CASP8: variants seen among roughly 807,000 people sequenced by gnomAD.
CASP8 encodes caspase-8.
Under a neutral mutation model 46.3 loss-of-function variants are expected in CASP8, and 24 were observed. The observed-to-expected ratio is 0.52, with a 90% confidence interval of 0.38 to 0.73. The LOEUF (loss-of-function observed/expected upper bound fraction) is 0.73. Among genes scored for constraint, CASP8 ranks in the 30% least tolerant of loss-of-function variants. CASP8 has a pLI of 0.00. For missense variants in CASP8, 460 were observed against 559.0 expected (o/e 0.82, Z 1.79); for synonymous variants, 188 against 200.4 (o/e 0.94, Z 0.52).
At position 201,265,662 on chromosome 2, in the gene CASP8, C is replaced by T. The variant is rs558354687; in HGVS notation, c.-26-799C>T. Among the ~76,000 whole-genome samples the T allele has an allele frequency of 4.6e-5, 7 of 152,264 alleles. No individual in the cohort carries two copies. The East Asian group carries it at 5.8e-4, about 13-fold the overall frequency. Reference sequence around the variant, plus strand: ...CCTCCAGGACAAAGCCTAAACCCCTCGCCCCATGGTAATGCGGCCCCTTTG... The same window carrying T: ...CCTCCAGGACAAAGCCTAAACCCCTTGCCCCATGGTAATGCGGCCCCTTTG... On this transcript the variant is annotated intron_variant, in intron 1 of 8. Transcript: ENST00000673742.
intron 2 of CASP8, among the ~76,000 whole-genome samples, chr2:201,247,526 C>A (rs1946584571): frequency 6.6e-6 from 1 of 151,696 alleles, no homozygotes; most frequent in Non-Finnish European, 1.5e-5. Context: ...CACTCTGTTG[C>A]CCAATGCAGT....
intron 2 of CASP8, among the ~76,000 whole-genome samples, chr2:201,254,564 CAACA>C (rs1391619401): frequency 6.6e-6 from 1 of 152,222 alleles, no homozygotes; most frequent in Non-Finnish European, 1.5e-5. Context: ...CCCACATTGG[CAACA>C]AACAAAGGGC....
At chr2:201,234,588 T>C (rs577928317) in intron 2 of CASP8, among the ~76,000 whole-genome samples, 258 of 152,052 alleles carry the variant, frequency 1.7e-3, no homozygotes, top group African/African-American at 6.0e-3. Flanking sequence ...TAGCTGGGAT[T>C]ACAGGCACCT....
upstream of CASP8, among the ~76,000 whole-genome samples, chr2:201,256,324 C>A (rs1947015982): frequency 6.6e-6 from 1 of 152,210 alleles, no homozygotes; most frequent in Non-Finnish European, 1.5e-5. Context: ...AGTCTTTCAG[C>A]CTCTCTAAGC....
chr2:201,251,899 C>T (rs980641760), intron 2 of CASP8, among the ~76,000 whole-genome samples: 3 of 150,886 alleles, frequency 2.0e-5, no homozygotes, highest in Admixed American at 1.3e-4. Flanking sequence ...AGTGAGACTC[C>T]GTCTAAAAAA....
upstream of CASP8, among the ~76,000 whole-genome samples, chr2:201,255,561 A>G (rs1218575226): frequency 1.3e-5 from 2 of 152,178 alleles, no homozygotes; most frequent in African/African-American, 4.8e-5. Context: ...GCCTGGGTAC[A>G]TGCAGGGAGA....
chr2:201,259,196 A>G (rs560008302), upstream of CASP8, among the ~76,000 whole-genome samples: 137 of 152,218 alleles, frequency 9.0e-4, 1 homozygote, highest in Non-Finnish European at 1.5e-3. Flanking sequence ...TTTTTGAGAC[A>G]AAGTCTTGCT....
At chr2:201,236,677 C>T (rs1046510256) in intron 2 of CASP8, among the ~76,000 whole-genome samples, 1 of 152,130 alleles carries the variant, frequency 6.6e-6, no homozygotes, top group Admixed American at 6.5e-5. Flanking sequence ...CTGGCCCCAC[C>T]GCAGACTCAA....
intron 1 of CASP8, among the ~76,000 whole-genome samples, chr2:201,261,179 G>A (rs906904851): frequency 9.2e-5 from 14 of 152,148 alleles, no homozygotes; most frequent in Admixed American, 6.5e-5. Flanking sequence ...TTCACCTGAG[G>A]TCGGGAGTTT....
At chr2:201,239,819 C>T (rs1256368358) in intron 2 of CASP8, among the ~76,000 whole-genome samples, 1 of 152,198 alleles carries the variant, frequency 6.6e-6, no homozygotes, top group Non-Finnish European at 1.5e-5. Context: ...AATTATGAAA[C>T]TTTTGATATT....
intron 1 of CASP8, among the ~76,000 whole-genome samples, chr2:201,260,909 A>G (rs1031839064): frequency 7.9e-5 from 12 of 152,228 alleles, no homozygotes; most frequent in African/African-American, 2.4e-5. Context: ...TAAAGGCCTC[A>G]TCCTGATCCC....
intron 2 of CASP8, among the ~76,000 whole-genome samples, chr2:201,237,702 A>T (rs766363412): frequency 5.3e-5 from 8 of 152,214 alleles, no homozygotes; most frequent in Non-Finnish European, 1.0e-4. Flanking sequence ...GCTGGTTTGT[A>T]AAGTCATTAA....
chr2:201,270,688 C>G (rs1003121382), intron 2 of CASP8, among the ~76,000 whole-genome samples: 1 of 152,018 alleles, frequency 6.6e-6, no homozygotes, highest in African/African-American at 2.4e-5. Flanking sequence ...TGCCACCACA[C>G]CCGGCTAATT....
At chr2:201,252,864 C>T (rs1033138504) in intron 2 of CASP8, among the ~76,000 whole-genome samples, 1 of 152,038 alleles carries the variant, frequency 6.6e-6, no homozygotes, top group Non-Finnish European at 1.5e-5. Flanking sequence ...TTGTTACTAC[C>T]ACAGATACTC....
At chr2:201,259,894 A>G (rs1947266333), upstream of CASP8, among the ~76,000 whole-genome samples, 1 of 149,424 alleles carries the variant, frequency 6.7e-6, no homozygotes, top group East Asian at 2.0e-4. Context: ...TTTTCTTTTT[A>G]GATTTTTTTC....
At position 201,286,529 on chromosome 2, in the gene CASP8, A is replaced by C; in HGVS notation, c.1375A>C (p.Met459Leu). Reference protein sequence around the residue: ...EVSNKDDKKNMGKQMPQPTFT... With the variant: ...EVSNKDDKKNLGKQMPQPTFT... ...AAGCAACAAGGATGACAAGAAAAAC[A>C]TGGGGAAACAGATGCCTCAGCCTAC... is the stretch of plus-strand genomic sequence containing the variant. The change falls in exon 9 of 9, where the codon ATG becomes CTG. Residue 459 changes from methionine (M) to leucine (L), a missense_variant. Physicochemically the swap from Met to Leu is conservative, Grantham distance 15. Transcript: ENST00000673742. The C allele has an allele frequency of 6.2e-7, 1 of 1,614,042 alleles. No individual in the cohort carries two copies. The highest frequency in any genetic ancestry group is 1.1e-5 in the South Asian group (1 of 91,078).
At chr2:201,276,315 A>T (rs1470068252) in intron 6 of CASP8, among the ~76,000 whole-genome samples, 1 of 152,162 alleles carries the variant, frequency 6.6e-6, no homozygotes, top group African/African-American at 2.4e-5. Flanking sequence ...TCACCTTTAA[A>T]ATCCTGGGAC....
chr2:201,275,291 A>G (rs1948563365), intron 6 of CASP8, among the ~76,000 whole-genome samples: 1 of 152,162 alleles, frequency 6.6e-6, no homozygotes, highest in African/African-American at 2.4e-5. Flanking sequence ...GAAAGAGTCT[A>G]GCAGGAATGG....
In CASP8 at chr2:201,285,405, T is replaced by C. The variant is rs576411016; in HGVS notation, c.1304+88T>C. 127 of 1,474,156 alleles carry C rather than the reference T, an allele frequency of 8.6e-5. No individual in the cohort carries two copies. The South Asian group carries it at 1.3e-3, about 16-fold the overall frequency. 91.3% of individuals were successfully genotyped at this position (1,474,156 alleles called of 1,614,324 possible). ...CTACTATCTACTCATATTCAGAGCC[T>C]ATTAGAAAGTGCTATGTGATTTAGA... On this transcript the variant is annotated intron_variant, in intron 8 of 8. Transcript: ENST00000673742.
Sources: gnomAD v4.1 joint callset for allele counts (sites outside exome capture counted in the v4.1 genomes callset) on GRCh38, gnomAD v4.1.1 for gene constraint, MANE v1.5 for transcripts, NCBI Gene and HGNC (gene_info 2026-07-23, HGNC 2026-07-21) for gene names.